Variants in TTN observed in about 807,000 individuals in gnomAD.
The protein encoded by TTN is connectin.
A neutral mutation model predicts 3,223.0 loss-of-function variants in TTN; 1,525 were observed. That is an observed-to-expected ratio of 0.47 (90% CI 0.45 to 0.49). The LOEUF (loss-of-function observed/expected upper bound fraction) is 0.49. Among genes scored for constraint, TTN ranks in the 20% least tolerant of loss-of-function variants. The probability of loss-of-function intolerance (pLI) is 0.00; values close to 1 mark genes in which losing one functional copy is unlikely to be tolerated. For missense variants in TTN, 40,786 were observed against 43,424.0 expected (o/e 0.94, Z 5.40); for synonymous variants, 14,094 against 15,161.0 (o/e 0.93, Z 5.17).
intron 95 of TTN, 45 bp downstream of exon 95, chr2:178,712,270 A>T: frequency 6.2e-7 from 1 of 1,608,510 alleles, no homozygotes; most frequent in Non-Finnish European, 8.5e-7. Context: ...GACATGCCAG[A>T]TCATCGATTG....
In TTN at chr2:178,546,299, A is replaced by G. The variant is rs2555818; in HGVS notation, c.95032T>C (p.Cys31678Arg). The G allele has an allele frequency of 6.2e-7, 1 of 1,613,874 alleles. No homozygotes were observed. Among genetic ancestry groups the G allele is most frequent in the Non-Finnish European group, 8.5e-7 (1 of 1,179,780 alleles). ...GKRATAVIKF[C>R]DRSDSGKYTL... ...TATTTTCCACTGTCACTTCTGTCAC[A>G]GAACTTGATCACAGCAGTTGCTCGT... The change falls in exon 342 of 363, where the codon TGT (cysteine) becomes CGT (arginine). Residue 31678 changes from cysteine to arginine, a missense_variant. By Grantham distance (180) the Cys-to-Arg change is radical. Transcript: ENST00000589042.
intron 8 of TTN, among the ~76,000 whole-genome samples, 154 bp from the exon 9 acceptor site, chr2:178,793,695 G>A (rs560244436): frequency 1.3e-5 from 2 of 152,150 alleles, no homozygotes; most frequent in Non-Finnish European, 1.5e-5. Context: ...AGCTACTCAC[G>A]AGACTGAGGC....
At chr2:178,544,560 G>A in intron 344 of TTN, 54 bp from the exon 345 acceptor site, 1 of 1,481,058 alleles carries the variant, frequency 6.8e-7, no homozygotes, top group Non-Finnish European at 9.1e-7. Flanking sequence ...GAAATGTTGA[G>A]ATTTGTATTT....
At chr2:178,667,566 G>T (rs2163007) in intron 160 of TTN, 41 bp from the exon 161 acceptor site, 1 of 1,580,958 alleles carries the variant, frequency 6.3e-7, no homozygotes, top group East Asian at 2.2e-5. Flanking sequence ...AAATGGTGAA[G>T]AAAAATATTG....
Position 178,547,146 on chromosome 2 carries a change from T to C in TTN, c.94379A>G (p.Lys31460Arg). The change falls in exon 340 of 363, where the codon AAA (lysine) becomes AGA (arginine). Residue 31460 changes from lysine to arginine, a missense_variant. Coordinates refer to ENST00000589042, the MANE Select transcript of TTN (RefSeq NM_001267550.2). ...RNTILWVKEN[K>R]VPCLECNYKV... is the part of the protein sequence containing the mutation. Reference sequence around the variant, plus strand: ...GTAGTTGCACTCTAAGCATGGCACTTTGTTTTCTTTCACCCAAAGAATTGT... The same window carrying C: ...GTAGTTGCACTCTAAGCATGGCACTCTGTTTTCTTTCACCCAAAGAATTGT... 1 of 1,613,808 alleles carries C rather than the reference T, an allele frequency of 6.2e-7. No individual in the cohort carries two copies. The highest frequency in any genetic ancestry group is 8.5e-7 in the Non-Finnish European group (1 of 1,179,770).
Position 178,532,346 on chromosome 2 carries a change from G to C in TTN, c.104269C>G (p.Gln34757Glu). The C allele has an allele frequency of 6.2e-7, 1 of 1,613,990 alleles. No homozygotes were observed. The highest frequency in any genetic ancestry group is 8.5e-7 in the Non-Finnish European group (1 of 1,179,876). ...ATGATTCTTTGCCGTTGCTTTGGCT[G>C]TCTGTACGCAGCCTGGGCATGCCGT... ...RERHAQAAYR[Q>E]PKQRQRIMAE... The change falls in exon 358 of 363, where the codon CAG (glutamine) becomes GAG (glutamate). Residue 34757 changes from glutamine to glutamate, a missense_variant. Physicochemically the swap from Gln to Glu is conservative, Grantham distance 29. Coordinates refer to ENST00000589042, the MANE Select transcript of TTN (RefSeq NM_001267550.2).
chr2:178,769,171 A>T (rs754418923), intron 37 of TTN, among the ~76,000 whole-genome samples: 1 of 151,698 alleles, frequency 6.6e-6, no homozygotes, highest in Non-Finnish European at 1.5e-5. Context: ...TTTCAATGCT[A>T]CTCTAACTGG....
rs1446800243 is a variant in TTN, at chr2:178,589,014, C to G, written c.62711G>C (p.Cys20904Ser). The change falls in exon 304 of 363, where the codon TGT becomes TCT. Residue 20904 changes from cysteine to serine, a missense_variant. Coordinates refer to ENST00000589042, the MANE Select transcript of TTN (RefSeq NM_001267550.2). ...AGACCAAACCATTCGCTTTGTCTCA[C>G]ATTTTTCTAGAATATAATTTTGGAT... ...CEIQNYILEKCETKRMVWSTY... is the reference protein window; with the variant it reads ...CEIQNYILEKSETKRMVWSTY... 1 of 1,610,982 alleles carries G rather than the reference C, an allele frequency of 6.2e-7. No individual in the cohort carries two copies. Among genetic ancestry groups the G allele is most frequent in the Non-Finnish European group, 8.5e-7 (1 of 1,179,390 alleles).
intron 24 of TTN, chr2:178,778,233 T>A (rs1430595420): frequency 1.0e-5 from 5 of 489,146 alleles, no homozygotes; most frequent in Non-Finnish European, 1.8e-5. Context: ...CTTGGAATAA[T>A]CCTCAATACT....
At chr2:178,645,860 C>T (rs2154243654) in intron 217 of TTN, 60 bp downstream of exon 217, 1 of 1,085,800 alleles carries the variant, frequency 9.2e-7, no homozygotes, top group Non-Finnish European at 1.3e-6. Context: ...AGCATCATTT[C>T]AGATGGCTGG....
In TTN at chr2:178,785,609, T is replaced by C. The variant is rs1431645753; in HGVS notation, c.2493+11A>G. The C allele has an allele frequency of 6.2e-7, 1 of 1,614,002 alleles. No homozygotes were observed. The highest frequency in any genetic ancestry group is 8.5e-7 in the Non-Finnish European group (1 of 1,179,984). On this transcript the variant is annotated intron_variant, in intron 15 of 362. Coordinates refer to ENST00000589042, the MANE Select transcript of TTN (RefSeq NM_001267550.2). ...TTAAACATTTCTGTATCATGCTCTG[T>C]AACTTCTTACCTCATATCCATGTTC...
intron 69 of TTN, 138 bp downstream of exon 69, chr2:178,726,952 G>A (rs2079444942): frequency 5.6e-6 from 5 of 890,736 alleles, no homozygotes; most frequent in Admixed American, 3.5e-5. Context: ...CATCTAAAAA[G>A]GGAAATAATA....
chr2:178,549,300 A>C lies in TTN; in HGVS notation c.92326T>G (p.Ser30776Ala). ...WVKVISKRPISETRFKVTGLT... is the reference protein window; with the variant it reads ...WVKVISKRPIAETRFKVTGLT... ...CCAGTGACTTTGAATCTTGTTTCAG[A>C]GATTGGTCGTTTGCTGATCACTTTT... The change falls in exon 339 of 363, where the codon TCT (serine) becomes GCT (alanine). Residue 30776 changes from serine to alanine, a missense_variant. Physicochemically the swap from Ser to Ala is moderately conservative, Grantham distance 99. Coordinates refer to ENST00000589042, the MANE Select transcript of TTN (RefSeq NM_001267550.2). 6.2e-7 allele frequency: 1 copy of C among 1,613,888 alleles called. No homozygotes were observed. The highest frequency in any genetic ancestry group is 8.5e-7 in the Non-Finnish European group (1 of 1,179,844).
Position 178,574,958 on chromosome 2 carries a change from T to A in TTN, c.71174A>T (p.Asp23725Val), listed in dbSNP as rs1709535138. ...TGGTCCAGTAGGTGGCCCTGGGATA[T>A]CATGGACTTGAATGGTGATGACATC... ...VGDVITIQVH[D>V]IPGPPTGPIK... The change falls in exon 326 of 363, where the codon GAT becomes GTT. Residue 23725 changes from aspartate (D) to valine (V), a missense_variant. By Grantham distance (152) the Asp-to-Val change is radical. Coordinates refer to ENST00000589042, the MANE Select transcript of TTN (RefSeq NM_001267550.2). The A allele has an allele frequency of 6.2e-7, 1 of 1,613,182 alleles. No homozygotes were observed. Among genetic ancestry groups the A allele is most frequent in the Non-Finnish European group, 8.5e-7 (1 of 1,179,540 alleles).
chr2:178,568,703 T>G lies in TTN; in HGVS notation c.77429A>C (p.Gln25810Pro). 1 of 1,613,378 alleles carries G rather than the reference T, an allele frequency of 6.2e-7. No homozygotes were observed. The highest frequency in any genetic ancestry group is 8.5e-7 in the Non-Finnish European group (1 of 1,179,588). The change falls in exon 326 of 363, where the codon CAG becomes CCG. Residue 25810 changes from glutamine to proline, a missense_variant. Physicochemically the swap from Gln to Pro is moderately conservative, Grantham distance 76. Transcript: ENST00000589042. ...VKPAFSSYSVQVGQDLKIEVP... is the reference protein window; with the variant it reads ...VKPAFSSYSVPVGQDLKIEVP... The stretch of plus-strand genomic sequence containing the variant: ...TTCTATTTTCAAATCTTGGCCAACC[T>G]GTACACTGTAACTACTGAATGCAGG...
intron 162 of TTN, 114 bp from the exon 163 acceptor site, chr2:178,667,015 GT>G: frequency 1.0e-6 from 1 of 954,706 alleles, no homozygotes; most frequent in Non-Finnish European, 1.5e-6. Context: ...TGTTAGAAAT[GT>G]TATTTTTGTT....
Position 178,670,202 on chromosome 2 carries a change from G to C in TTN, c.35386+16C>G. 1 of 1,422,580 alleles carries C rather than the reference G, an allele frequency of 7.0e-7. No homozygotes were observed. The highest frequency in any genetic ancestry group is 2.8e-5 in the Admixed American group (1 of 35,868). The allele number at this position is 1,422,580 out of a possible 1,614,324, so 88.1% of individuals were successfully genotyped here. A position where few individuals can be genotyped will look rare whatever the true frequency, so the allele number is the denominator to read the frequency against. On this transcript the variant is annotated intron_variant, in intron 157 of 362. Transcript: ENST00000589042. ...AAAGGATTTTATATTAATGATGAATGAGAAAAGCCAGTTACCTTTAGTTGG... is the reference window on the plus strand; with the variant it reads ...AAAGGATTTTATATTAATGATGAATCAGAAAAGCCAGTTACCTTTAGTTGG...
rs2088211648 is a variant in TTN, at chr2:178,759,056, C to T, written c.10231G>A (p.Glu3411Lys). The T allele has an allele frequency of 6.2e-7, 1 of 1,613,906 alleles. No individual in the cohort carries two copies. Among genetic ancestry groups the T allele is most frequent in the African/African-American group, 1.3e-5 (1 of 74,918 alleles). Residue 3411 changes from glutamate (E) to lysine (K), a missense_variant, in exon 44 of 363, where the codon GAA (glutamate) becomes AAA (lysine). By Grantham distance (56) the Glu-to-Lys change is moderately conservative. Transcript: ENST00000589042. ...CTAGCAACAAACGTGTAAGTTCCTT[C>T]ATCTTCTGGATAAGCTTCGGCAATT... ...LEIAEAYPED[E>K]GTYTFVASNA...
rs1708951568 is a variant in TTN, at chr2:178,573,439, C to T, written c.72693G>A (p.Val24231=). ...GPPDPPKNPE[V]TTITKDSMVV... Reference sequence around the variant, plus strand: ...CCATCGAATCTTTAGTAATAGTTGTCACTTCAGGGTTTTTGGGCGGATCAG... The same window carrying T: ...CCATCGAATCTTTAGTAATAGTTGTTACTTCAGGGTTTTTGGGCGGATCAG... The change falls in exon 326 of 363, where the codon GTG becomes GTA. Residue 24231 remains valine (V), a synonymous_variant. Coordinates refer to ENST00000589042, the MANE Select transcript of TTN (RefSeq NM_001267550.2). 6.6e-7 allele frequency: 1 copy of T among 1,517,478 alleles called. No individual in the cohort carries two copies. Among genetic ancestry groups the T allele is most frequent in the Non-Finnish European group, 8.8e-7 (1 of 1,135,896 alleles). 94.0% of individuals were successfully genotyped at this position (1,517,478 alleles called of 1,614,324 possible).
Sources: allele counts gnomAD v4.1 joint callset (sites outside exome capture counted in the v4.1 genomes callset), GRCh38; gene constraint gnomAD v4.1.1; transcripts MANE v1.5; gene names NCBI Gene and HGNC (gene_info 2026-07-23, HGNC 2026-07-21).